The following ANKRD12 variants were observed in gnomAD, a reference collection of about 807,000 sequenced individuals.
The protein encoded by ANKRD12 is ankyrin repeat domain-containing protein 12.
A neutral mutation model predicts 183.4 loss-of-function variants in ANKRD12; 85 were observed. That is an observed-to-expected ratio of 0.46 (90% confidence interval 0.39 to 0.56). The LOEUF (loss-of-function observed/expected upper bound fraction) is 0.56. ANKRD12 is among the 20% of genes least tolerant of loss of function. ANKRD12 has a pLI of 0.00. For missense variants in ANKRD12, 2,405 were observed against 2,357.1 expected, an observed-to-expected ratio of 1.02 and a Z score of -0.42; for synonymous variants, 914 against 800.2, an observed-to-expected ratio of 1.14 and a Z score of -2.40.
At chr18:9,161,787 T>G (rs942398364) in intron 1 of ANKRD12, among the ~76,000 whole-genome samples, 2 of 151,972 alleles carry the variant, frequency 1.3e-5, no homozygotes, top group Non-Finnish European at 1.5e-5. Flanking sequence ...ATGGAATGAT[T>G]ATACCAAGCT....
intron 10 of ANKRD12, among the ~76,000 whole-genome samples, chr18:9,271,621 G>A (rs1484801881): frequency 6.6e-6 from 1 of 152,174 alleles, no homozygotes; most frequent in African/African-American, 2.4e-5. Flanking sequence ...GCCTCCCAAA[G>A]TGCTGGGATT....
In ANKRD12 at chr18:9,285,151, GT is replaced by G. The variant is rs1330702181; in HGVS notation, c.*4026del. Reference sequence around the variant, plus strand: ...GTGAGCCTGGGAGGCGGAGCTTGCAGTGAGCCGAGATCGTGCCACTGCACTC... The same window carrying G: ...GTGAGCCTGGGAGGCGGAGCTTGCAGGAGCCGAGATCGTGCCACTGCACTC... On this transcript the variant is annotated 3_prime_UTR_variant, in exon 13 of 13. Coordinates refer to ENST00000262126, the MANE Select transcript of ANKRD12 (RefSeq NM_015208.5). The G allele has an allele frequency of 6.6e-6, 1 of 151,658 alleles. No individual in the cohort carries two copies. Among genetic ancestry groups the G allele is most frequent in the Non-Finnish European group, 1.5e-5 (1 of 67,944 alleles). 9.4% of individuals were successfully genotyped at this position (151,658 alleles called of 1,614,324 possible).
At chr18:9,169,356 T>C (rs1196730799) in intron 1 of ANKRD12, among the ~76,000 whole-genome samples, 2 of 152,214 alleles carry the variant, frequency 1.3e-5, no homozygotes, top group Non-Finnish European at 2.9e-5. Context: ...TAAGTCTCTT[T>C]GTAGGTCACT....
At chr18:9,149,943 GCGCCCA>G (rs908958961) in intron 1 of ANKRD12, among the ~76,000 whole-genome samples, 42 of 151,706 alleles carry the variant, frequency 2.8e-4, no homozygotes, top group African/African-American at 9.2e-4. Context: ...CTACAGGCAT[GCGCCCA>G]CCACGCCCGG....
intron 9 of ANKRD12, among the ~76,000 whole-genome samples, chr18:9,263,374 T>C (rs1186741205): frequency 2.7e-5 from 4 of 145,502 alleles, no homozygotes; most frequent in Non-Finnish European, 6.1e-5. Flanking sequence ...GTGTTTGATA[T>C]TTATCATGTC....
intron 1 of ANKRD12, among the ~76,000 whole-genome samples, chr18:9,140,625 G>C (rs2078282842): frequency 1.3e-5 from 2 of 152,166 alleles, no homozygotes; most frequent in Non-Finnish European, 2.9e-5. Context: ...AAAAGGAGGA[G>C]ATGATTTCCT....
chr18:9,277,796 T>C (rs1336690339), intron 11 of ANKRD12, among the ~76,000 whole-genome samples: 2 of 132,174 alleles, frequency 1.5e-5, no homozygotes, highest in Non-Finnish European at 3.4e-5. Context: ...TACAGCAGAG[T>C]TGAGGAATGC....
chr18:9,230,486 T>A (rs2036977115), intron 8 of ANKRD12, among the ~76,000 whole-genome samples: 1 of 152,180 alleles, frequency 6.6e-6, no homozygotes, highest in Admixed American at 6.5e-5. Flanking sequence ...TTATTATTTC[T>A]TCTGCTAGCA....
chr18:9,214,899 C>T lies in ANKRD12; in HGVS notation c.653-1859C>T, dbSNP rs529338051. Among the ~76,000 whole-genome samples, 7 of 152,162 alleles carry T rather than the reference C, an allele frequency of 4.6e-5. No individual in the cohort carries two copies. The East Asian group carries it at 1.3e-3, about 29-fold the overall frequency. On this transcript the variant is annotated intron_variant, in intron 6 of 12. Transcript: ENST00000262126. ...GAATGCAAGATTGCTATAAAAAAGG[C>T]GTACCTATAGATTAGATTGAAGAAA...
At chr18:9,205,429 A>G (rs1014476561) in intron 4 of ANKRD12, among the ~76,000 whole-genome samples, 9 of 152,024 alleles carry the variant, frequency 5.9e-5, no homozygotes, top group Admixed American at 2.6e-4. Flanking sequence ...TATTTTATAC[A>G]TTTGTGGGGT....
In ANKRD12 at chr18:9,256,865, A is replaced by G. The variant is rs1303541931; in HGVS notation, c.3598A>G (p.Ser1200Gly). Residue 1200 changes from serine (S) to glycine (G), a missense_variant, in exon 9 of 13, where the codon AGC becomes GGC. Around this residue, in one of 7 missense-constraint regions of ANKRD12, gnomAD observed 1,983 missense variants for 1,725.9 expected, o/e 1.15. Transcript: ENST00000262126. ...ATCAGAAAATGAAAAGCCGGGTCTC[A>G]GCTCCAGATCTGTATCCATGATTTC... ...PRSENEKPGL[S>G]SRSVSMISVA... 2 of 1,614,006 alleles carry G rather than the reference A, an allele frequency of 1.2e-6. No homozygotes were observed. The highest frequency in any genetic ancestry group is 1.7e-5 in the Admixed American group (1 of 59,944).
At chr18:9,228,987 T>G (rs2036885708) in intron 8 of ANKRD12, among the ~76,000 whole-genome samples, 1 of 152,164 alleles carries the variant, frequency 6.6e-6, no homozygotes, top group African/African-American at 2.4e-5. Flanking sequence ...GACTTTTATA[T>G]GTGGTGAGAA....
chr18:9,179,660 C>G (rs2033553992), intron 1 of ANKRD12, among the ~76,000 whole-genome samples: 2 of 152,034 alleles, frequency 1.3e-5, no homozygotes, highest in South Asian at 4.2e-4. Context: ...GGACCACCTG[C>G]ACGGACCACC....
chr18:9,153,333 A>C (rs971194035), intron 1 of ANKRD12, among the ~76,000 whole-genome samples: 30 of 152,226 alleles, frequency 2.0e-4, no homozygotes, highest in Non-Finnish European at 4.4e-4. Context: ...CATTTTGAGA[A>C]TATTACTACA....
intron 3 of ANKRD12, chr18:9,200,641 C>T (rs865810453): frequency 7.2e-5 from 11 of 152,320 alleles, no homozygotes; most frequent in Non-Finnish European, 1.5e-4. Flanking sequence ...AATTAGACTT[C>T]TTTGTAAGTC....
At chr18:9,216,672 A>G in intron 6 of ANKRD12, 86 bp from the exon 7 acceptor site, 2 of 1,362,524 alleles carry the variant, frequency 1.5e-6, no homozygotes, top group Non-Finnish European at 2.0e-6. Context: ...TTTAGAATTT[A>G]TATGTCACAC....
chr18:9,140,661 G>A (rs1395377832), intron 1 of ANKRD12, among the ~76,000 whole-genome samples: 1 of 152,126 alleles, frequency 6.6e-6, no homozygotes, highest in Non-Finnish European at 1.5e-5. Context: ...TGAATAGTTC[G>A]TGTTATCTGG....
In ANKRD12 at chr18:9,255,796, A is replaced by C; in HGVS notation, c.2529A>C (p.Lys843Asn). 1 of 1,575,532 alleles carries C rather than the reference A, an allele frequency of 6.3e-7. No individual in the cohort carries two copies. Among genetic ancestry groups the C allele is most frequent in the Non-Finnish European group, 8.5e-7 (1 of 1,169,976 alleles). Reference sequence around the variant, plus strand: ...AGATGGAAAGAAAAACCTTTGAAAAAGAAAAGAAGATAAAACATGAGCATA... The same window carrying C: ...AGATGGAAAGAAAAACCTTTGAAAACGAAAAGAAGATAAAACATGAGCATA... ...IEKMERKTFE[K>N]EKKIKHEHKS... The change falls in exon 9 of 13, where the codon AAA becomes AAC. Residue 843 changes from lysine (K) to asparagine (N), a missense_variant. By Grantham distance (94) the Lys-to-Asn change is moderately conservative. This residue lies in a region of ANKRD12 where 1,983 missense variants were observed against 1,725.9 expected (regional missense o/e 1.15). Coordinates refer to ENST00000262126, the MANE Select transcript of ANKRD12 (RefSeq NM_015208.5).
At chr18:9,236,364 G>C (rs1297986505) in intron 8 of ANKRD12, among the ~76,000 whole-genome samples, 4 of 152,040 alleles carry the variant, frequency 2.6e-5, no homozygotes, top group African/African-American at 9.7e-5. Flanking sequence ...TAAACAAACA[G>C]AATGTTAACC....
Sources: allele counts gnomAD v4.1 joint callset (sites outside exome capture counted in the v4.1 genomes callset), GRCh38; gene constraint gnomAD v4.1.1; regional missense constraint gnomAD v4.1.1; transcripts MANE v1.5; gene names NCBI Gene and HGNC (gene_info 2026-07-23, HGNC 2026-07-21).